SURF6: variants seen among roughly 807,000 people sequenced by gnomAD.
The protein encoded by SURF6 is surfeit 6, also known as surfeit locus protein 6.
Under a neutral mutation model 37.5 loss-of-function variants are expected in SURF6, and 28 were observed. The ratio of observed to expected loss-of-function variants is 0.75; its 90% CI spans 0.55 to 1.02. The LOEUF (loss-of-function observed/expected upper bound fraction) is 1.02. SURF6 is among the 50% of genes least tolerant of loss of function. The probability of loss-of-function intolerance (pLI) is 0.00; values close to 1 mark genes in which losing one functional copy is unlikely to be tolerated. For synonymous variants in SURF6, 248 were observed against 210.9 expected (o/e 1.18, Z -1.52); for missense variants, 560 against 490.5 (o/e 1.14, Z -1.34).
intron 3 of SURF6, chr9:133,332,995 G>A (rs1588671706): frequency 6.8e-6 from 4 of 586,128 alleles, no homozygotes; most frequent in South Asian, 6.3e-5. Context: ...TGCTTACCCC[G>A]TGCCAGGATA....
Position 133,331,712 on chromosome 9 carries a change from GA to G in SURF6, c.*156del. 9 of 960,024 alleles carry G rather than the reference GA, an allele frequency of 9.4e-6. No homozygotes were observed. Among genetic ancestry groups the G allele is most frequent in the Non-Finnish European group, 1.3e-5 (9 of 712,038 alleles). 59.5% of individuals were successfully genotyped at this position (960,024 alleles called of 1,614,324 possible). A position where few individuals can be genotyped will look rare whatever the true frequency, so the allele number is the denominator to read the frequency against. On this transcript the variant is annotated 3_prime_UTR_variant, in exon 5 of 5. Transcript: ENST00000372022. ...TCTCTCTTTCTCACATGGGATCTGT[GA>G]TCTGGGCCCTCACAACTCAGCAGAG...
At position 133,333,786 on chromosome 9, in the gene SURF6, C is replaced by G. The variant is rs2129924875; in HGVS notation, c.325G>C (p.Glu109Gln). The G allele has an allele frequency of 1.2e-6, 2 of 1,613,836 alleles. No homozygotes were observed. Among genetic ancestry groups the G allele is most frequent in the East Asian group, 4.5e-5 (2 of 44,882 alleles). The change falls in exon 3 of 5, where the codon GAG becomes CAG. Residue 109 changes from glutamate to glutamine, a missense_variant. Physicochemically the swap from Glu to Gln is conservative, Grantham distance 29. Transcript: ENST00000372022. The part of the protein sequence containing the change: ...NPADGLATEP[E>Q]SVFALDVLRQ... ...AGAACATCCAGAGCAAAGACAGACT[C>G]AGGCTCAGTGGCCAGGCCATCTGCA...
chr9:133,334,167 C>G (rs1430612499), intron 2 of SURF6, among the ~76,000 whole-genome samples: 2 of 152,194 alleles, frequency 1.3e-5, no homozygotes, highest in Non-Finnish European at 2.9e-5. Context: ...CAGAGAGACA[C>G]AGCCTTGCCC....
chr9:133,335,403 G>T (rs1237261154), intron 1 of SURF6, among the ~76,000 whole-genome samples: 2 of 152,104 alleles, frequency 1.3e-5, no homozygotes, highest in Non-Finnish European at 2.9e-5. Context: ...TAAGATTTTG[G>T]ATTTGCTATA....
At position 133,331,805 on chromosome 9, in the gene SURF6, A is replaced by G; in HGVS notation, c.*64T>C. 1 of 1,477,276 alleles carries G rather than the reference A, an allele frequency of 6.8e-7. No homozygotes were observed. Among genetic ancestry groups the G allele is most frequent in the Admixed American group, 2.4e-5 (1 of 41,680 alleles). 91.5% of individuals were successfully genotyped at this position (1,477,276 alleles called of 1,614,324 possible). A position where few individuals can be genotyped will look rare whatever the true frequency, so the allele number is the denominator to read the frequency against. ...GAGATCCTGGGACAGAGCCAGCGTCAAGGACTCAGAGGGTGTCCTGGAGTC... is the reference window on the plus strand; with the variant it reads ...GAGATCCTGGGACAGAGCCAGCGTCGAGGACTCAGAGGGTGTCCTGGAGTC... On this transcript the variant is annotated 3_prime_UTR_variant, in exon 5 of 5. Transcript: ENST00000372022.
intron 3 of SURF6, 103 bp downstream of exon 3, chr9:133,333,615 G>C (rs1264054949): frequency 2.8e-6 from 3 of 1,065,552 alleles, no homozygotes; most frequent in Non-Finnish European, 4.2e-6. Context: ...TGCCAGACTC[G>C]CTGCAGAGGG....
chr9:133,332,802 C>A (rs1428378810), intron 3 of SURF6, 42 bp from the exon 4 acceptor site: 23 of 1,584,040 alleles, frequency 1.5e-5, no homozygotes, highest in African/African-American at 1.2e-4. Context: ...TCTCTCGATC[C>A]CAGGGTCCCC....
At chr9:133,332,859 G>A (rs2129921768) in intron 3 of SURF6, 99 bp from the exon 4 acceptor site, 84 of 1,239,754 alleles carry the variant, frequency 6.8e-5, no homozygotes, top group Non-Finnish European at 9.3e-5. Flanking sequence ...AGGCAGGTGA[G>A]AAAATCCTCA....
In SURF6 at chr9:133,332,259, G is replaced by A. The variant is rs2129916904; in HGVS notation, c.696C>T (p.Thr232=). ...QRVKGNLTPL[T]GRNYRQLLER... is the part of the protein sequence containing the mutation. ...CCAGCAGCTGCCGGTAGTTCCTCCC[G>A]GTCAGCGGCGTGAGGTTCCCCTTCA... Residue 232 remains threonine (T), a synonymous_variant, in exon 5 of 5, where the codon ACC becomes ACT. Transcript: ENST00000372022. 6.9e-6 allele frequency: 11 copies of A among 1,603,630 alleles called. No homozygotes were observed. Among genetic ancestry groups the A allele is most frequent in the East Asian group, 2.2e-5 (1 of 44,858 alleles).
chr9:133,334,815 T>C (rs2129929286), intron 1 of SURF6, among the ~76,000 whole-genome samples: 28 of 152,146 alleles, frequency 1.8e-4, no homozygotes, highest in African/African-American at 6.7e-4. Context: ...TTCAAGGACG[T>C]TCATCACCAT....
chr9:133,333,371 A>G (rs1835795379), intron 3 of SURF6, among the ~76,000 whole-genome samples: 1 of 152,202 alleles, frequency 6.6e-6, no homozygotes, highest in African/African-American at 2.4e-5. Flanking sequence ...CAGGGGAGAC[A>G]GTACCATTCA....
At chr9:133,335,894 C>CA (rs2129932967) in intron 1 of SURF6, 145 bp downstream of exon 1, 265 of 695,032 alleles carry the variant, frequency 3.8e-4, no homozygotes, top group Non-Finnish European at 5.0e-4. Context: ...AAAACAAAAA[C>CA]AAAAAAAACA....
In SURF6 at chr9:133,329,771, A is replaced by T. The variant is rs1835678947; in HGVS notation, c.*2098T>A. 1 of 152,248 alleles carries T rather than the reference A, an allele frequency of 6.6e-6. No individual in the cohort carries two copies. The highest frequency in any genetic ancestry group is 2.4e-5 in the African/African-American group (1 of 41,460). 9.4% of individuals were successfully genotyped at this position (152,248 alleles called of 1,614,324 possible). ...AACTATTCTTGTTTTATATTTTATT[A>T]TACTGGAACAGCTCGTGTCCTCTGT... On this transcript the variant is annotated 3_prime_UTR_variant, in exon 5 of 5. Coordinates refer to ENST00000372022, the MANE Select transcript of SURF6 (RefSeq NM_006753.6).
chr9:133,333,084 T>G (rs1467014672), intron 3 of SURF6: 2 of 395,816 alleles, frequency 5.1e-6, no homozygotes, highest in East Asian at 5.6e-5. Flanking sequence ...AACTTGGAGT[T>G]GGCGTCTGAA....
Position 133,332,870 on chromosome 9 carries a change from C to G in SURF6, c.394-110G>C. 3.6e-6 allele frequency: 4 copies of G among 1,102,140 alleles called. No individual in the cohort carries two copies. The South Asian group carries it at 5.8e-5, about 16-fold the overall frequency. The allele number at this position is 1,102,140 out of a possible 1,614,324, so 68.3% of individuals were successfully genotyped here. A position where few individuals can be genotyped will look rare whatever the true frequency, so the allele number is the denominator to read the frequency against. On this transcript the variant is annotated intron_variant, in intron 3 of 4. Transcript: ENST00000372022. ...TGGAAGGCAGGTGAGAAAATCCTCA[C>G]GCAAACAAGGGGCCCGCGGAGTTCA... is the stretch of plus-strand genomic sequence containing the variant.
Position 133,328,863 on chromosome 9 carries a change from C to A in SURF6, c.*3006G>T. On this transcript the variant is annotated 3_prime_UTR_variant, in exon 5 of 5. Coordinates refer to ENST00000372022, the MANE Select transcript of SURF6 (RefSeq NM_006753.6). ...CCCCACAGGGTCCGTGGGTCTCTCC[C>A]TCCCTGTGTGCAGCAATGAGAGAGT... 6.6e-6 allele frequency: 1 copy of A among 152,430 alleles called. No homozygotes were observed. Among genetic ancestry groups the A allele is most frequent in the South Asian group, 2.1e-4 (1 of 4,876 alleles). 9.4% of individuals were successfully genotyped at this position (152,430 alleles called of 1,614,324 possible).
intron 1 of SURF6, among the ~76,000 whole-genome samples, chr9:133,334,981 A>G (rs1285861780): frequency 2.0e-5 from 3 of 152,054 alleles, no homozygotes; most frequent in African/African-American, 4.8e-5. Context: ...CTTTTTTGAG[A>G]TGGAGTCTCA....
Position 133,332,060 on chromosome 9 carries a change from G to T in SURF6, c.895C>A (p.Arg299Ser). Residue 299 changes from arginine to serine, a missense_variant, in exon 5 of 5, where the codon CGC (arginine) becomes AGC (serine). By Grantham distance (110) the Arg-to-Ser change is moderately radical. Coordinates refer to ENST00000372022, the MANE Select transcript of SURF6 (RefSeq NM_006753.6). ...LQEALKRKEK[R>S]RAQRQRRWEK... is the part of the protein sequence containing the mutation. ...CACCGGCGCTGCCGCTGCGCCCTGC[G>T]CTTCTCCTTGCGCTTCAGGGCCTCC... is the stretch of plus-strand genomic sequence containing the variant. 6.2e-7 allele frequency: 1 copy of T among 1,605,718 alleles called. No individual in the cohort carries two copies.
In SURF6 at chr9:133,330,982, T is replaced by C. The variant is rs2129908221; in HGVS notation, c.*887A>G. 6.6e-6 allele frequency: 1 copy of C among 152,212 alleles called. No homozygotes were observed. Among genetic ancestry groups the C allele is most frequent in the African/African-American group, 2.4e-5 (1 of 41,440 alleles). The allele number at this position is 152,212 out of a possible 1,614,324, so 9.4% of individuals were successfully genotyped here. A position where few individuals can be genotyped will look rare whatever the true frequency, so the allele number is the denominator to read the frequency against. ...AACAGTCACACCAGCTCCTGTTCAG[T>C]TACAGTCTTTGTCTCATAACCGGAG... On this transcript the variant is annotated 3_prime_UTR_variant, in exon 5 of 5. Transcript: ENST00000372022.
Sources: gnomAD v4.1 joint callset for allele counts (sites outside exome capture counted in the v4.1 genomes callset) on GRCh38, gnomAD v4.1.1 for gene constraint, MANE v1.5 for transcripts, NCBI Gene and HGNC (gene_info 2026-07-23, HGNC 2026-07-21) for gene names.